Variants in BEND5 observed in about 807,000 individuals in gnomAD.
BEND5 encodes BEN domain-containing protein 5.
In BEND5, 22 loss-of-function variants were observed where a neutral mutation model predicts 43.9. That is an observed-to-expected ratio of 0.50 (90% CI 0.36 to 0.72). BEND5 has a LOEUF of 0.72. Ranked by LOEUF, BEND5 falls within the 30% of genes least tolerant of loss-of-function variation. The pLI, the probability that BEND5 is intolerant of heterozygous loss-of-function variation, is 0.00. For missense variants in BEND5, 428 were observed against 550.6 expected (o/e 0.78, Z 2.23); for synonymous variants, 228 against 225.9 (o/e 1.01, Z -0.08).
Position 48,759,091 on chromosome 1 carries a change from T to C in BEND5, c.554A>G (p.Glu185Gly). 6.2e-7 allele frequency: 1 copy of C among 1,612,406 alleles called. No individual in the cohort carries two copies. Among genetic ancestry groups the C allele is most frequent in the Non-Finnish European group, 8.5e-7 (1 of 1,179,150 alleles). The change falls in exon 3 of 6, where the codon GAG becomes GGG. Residue 185 changes from glutamate to glycine, a missense_variant. Physicochemically the swap from Glu to Gly is moderately conservative, Grantham distance 98 (BLOSUM62 -2). Around this residue, in one of 4 missense-constraint regions of BEND5, gnomAD observed 243 missense variants for 286.4 expected, o/e 0.85. Coordinates refer to ENST00000371833, the MANE Select transcript of BEND5 (RefSeq NM_024603.4). Reference protein sequence around the residue: ...DAVVPRALYEELLRNYQQQQE... With the variant: ...DAVVPRALYEGLLRNYQQQQE... ...TTGCTGCTGGTAGTTGCGCAGCAGC[T>C]CCTCATACAGAGCCCGGGGCACCAC...
At chr1:48,738,469 C>T (rs776390287) in intron 4 of BEND5, among the ~76,000 whole-genome samples, 33 of 152,182 alleles carry the variant, frequency 2.2e-4, no homozygotes, top group Non-Finnish European at 2.8e-4. Flanking sequence ...CTCCGCAGTT[C>T]GAACTGCAGG....
In BEND5 at chr1:48,736,450, G is replaced by C; in HGVS notation, c.897C>G (p.Val299=). The C allele has an allele frequency of 6.2e-7, 1 of 1,613,916 alleles. No individual in the cohort carries two copies. Among genetic ancestry groups the C allele is most frequent in the Non-Finnish European group, 8.5e-7 (1 of 1,179,914 alleles). ...MDKYILDNGK[V]HLGSGIWVDE... ...CAACCCAAATCCCGCTTCCCAGATG[G>C]ACCTGAGAGGAATAAGAACACCAGC... Residue 299 remains valine, a splice_region_variant and synonymous_variant, in exon 5 of 6, where the codon GTC becomes GTG. Coordinates refer to ENST00000371833, the MANE Select transcript of BEND5 (RefSeq NM_024603.4). This position sits in a 1 kb window ranked among gnomAD's most constrained non-coding sequence, Gnocchi z 4.0.
chr1:48,732,945 A>G (rs575462449), intron 5 of BEND5, among the ~76,000 whole-genome samples: 5 of 152,272 alleles, frequency 3.3e-5, no homozygotes, highest in African/African-American at 9.6e-5. Flanking sequence ...GTGAAGGAGG[A>G]ATGATCGTGT....
At position 48,742,681 on chromosome 1, in the gene BEND5, G is replaced by A. The variant is rs1244423678; in HGVS notation, c.836C>T (p.Ser279Leu). The A allele has an allele frequency of 1.9e-6, 3 of 1,611,194 alleles. No individual in the cohort carries two copies. The highest frequency in any genetic ancestry group is 1.1e-5 in the South Asian group (1 of 90,428). The change falls in exon 4 of 6, where the codon TCG becomes TTG. Residue 279 changes from serine to leucine, a missense_variant. Ser to Leu is a moderately radical substitution (Grantham distance 145, BLOSUM62 -2). Around this residue, in one of 4 missense-constraint regions of BEND5, gnomAD observed 243 missense variants for 286.4 expected, o/e 0.85. Coordinates refer to ENST00000371833, the MANE Select transcript of BEND5 (RefSeq NM_024603.4). ...AGGCGCAGGAGCGGGGTAATAGGAC[G>A]ACGTATTTGCTTCCTCACTGAAAGT... is the stretch of plus-strand genomic sequence containing the variant. ...RSTFSEEANT[S>L]SYYPAPAPVM...
At chr1:48,750,413 G>A (rs1472049199) in intron 3 of BEND5, among the ~76,000 whole-genome samples, 1 of 152,106 alleles carries the variant, frequency 6.6e-6, no homozygotes, top group African/African-American at 2.4e-5. Context: ...CTTTGTTTAG[G>A]CTCTCCTGTT....
chr1:48,771,675 C>T (rs1160548166), intron 1 of BEND5, among the ~76,000 whole-genome samples: 1 of 152,138 alleles, frequency 6.6e-6, no homozygotes. Context: ...TGGCAGTTTC[C>T]CACTGATGAC....
chr1:48,758,799 C>T (rs1644091268), intron 3 of BEND5, 101 bp downstream of exon 3: 1 of 1,093,168 alleles, frequency 9.1e-7, no homozygotes, highest in South Asian at 1.8e-5. Context: ...TCCCTAGCCT[C>T]AGGGCACTTG....
In BEND5 at chr1:48,761,322, G is replaced by A; in HGVS notation, c.360+15C>T. 1.9e-6 allele frequency: 3 copies of A among 1,540,316 alleles called. No homozygotes were observed. Among genetic ancestry groups the A allele is most frequent in the Non-Finnish European group, 2.6e-6 (3 of 1,142,136 alleles). ...TGCTCCAGCATACCTCCAAAGAAAG[G>A]AAAGATTTTGTTACCTTGATGTGTC... On this transcript the variant is annotated intron_variant, in intron 2 of 5. Coordinates refer to ENST00000371833, the MANE Select transcript of BEND5 (RefSeq NM_024603.4).
chr1:48,759,014 G>C lies in BEND5; in HGVS notation c.631C>G (p.Leu211Val). 1.2e-5 allele frequency: 20 copies of C among 1,614,004 alleles called. No homozygotes were observed. The highest frequency in any genetic ancestry group is 1.7e-5 in the Non-Finnish European group (20 of 1,179,992). Residue 211 changes from leucine to valine, a missense_variant, in exon 3 of 6, where the codon CTG (leucine) becomes GTG (valine). This residue lies in a region of BEND5 where 243 missense variants were observed against 286.4 expected (regional missense o/e 0.85). Coordinates refer to ENST00000371833, the MANE Select transcript of BEND5 (RefSeq NM_024603.4). ...QQELERTRRQ[L>V]VQQAKKLKEY... ...TTGAGCTTCTTGGCCTGTTGTACCAGCTGCCTCCGAGTCCGCTCCAGCTCC... is the reference window on the plus strand; with the variant it reads ...TTGAGCTTCTTGGCCTGTTGTACCACCTGCCTCCGAGTCCGCTCCAGCTCC...
intron 1 of BEND5, among the ~76,000 whole-genome samples, chr1:48,770,016 C>T (rs1644732965): frequency 6.6e-6 from 1 of 152,162 alleles, no homozygotes; most frequent in Non-Finnish European, 1.5e-5. Flanking sequence ...TAAAATACCC[C>T]TGACCTGCTT....
rs1647774315 is a variant in BEND5, at chr1:48,729,626, A to C, written c.1109-1583T>G. ...AAGCCCAGGCCTGGAGAAAGGGAGT[A>C]GGTATGGGGCAGAATCCACTGCTAC... is the stretch of plus-strand genomic sequence containing the variant. On this transcript the variant is annotated intron_variant, in intron 5 of 5. Coordinates refer to ENST00000371833, the MANE Select transcript of BEND5 (RefSeq NM_024603.4). Among the ~76,000 whole-genome samples the C allele has an allele frequency of 2.6e-5, 4 of 152,250 alleles. No individual in the cohort carries two copies. The South Asian group carries it at 8.3e-4, about 32-fold the overall frequency.
chr1:48,771,591 T>C (rs1211858633), intron 1 of BEND5, among the ~76,000 whole-genome samples: 1 of 152,232 alleles, frequency 6.6e-6, no homozygotes, highest in South Asian at 2.1e-4. Flanking sequence ...TGCTCCAATG[T>C]ATATCAGCAA....
chr1:48,746,655 A>C (rs1288602799), intron 3 of BEND5, among the ~76,000 whole-genome samples: 1 of 152,256 alleles, frequency 6.6e-6, no homozygotes, highest in Non-Finnish European at 1.5e-5. Context: ...CCAAAGGTAC[A>C]TCTTAAAAGG....
At chr1:48,769,296 C>T (rs1347644862) in intron 1 of BEND5, among the ~76,000 whole-genome samples, 1 of 152,066 alleles carries the variant, frequency 6.6e-6, no homozygotes, top group Admixed American at 6.5e-5. Context: ...TTCAGTAGGT[C>T]TCCTTGTTCT....
chr1:48,735,841 C>T lies in BEND5; in HGVS notation c.1108+398G>A, dbSNP rs537714535. Among the ~76,000 whole-genome samples the T allele has an allele frequency of 2.8e-3, 432 of 152,194 alleles. 3 individuals are homozygous for T. Among genetic ancestry groups the T allele is most frequent in the African/African-American group, 9.9e-3 (409 of 41,506 alleles). ...CATGCCTTTGTTCAAGATGCTTCTG[C>T]CTCCAGAAGAGCAATACCTCACCAT... On this transcript the variant is annotated intron_variant, in intron 5 of 5. Coordinates refer to ENST00000371833, the MANE Select transcript of BEND5 (RefSeq NM_024603.4).
intron 3 of BEND5, among the ~76,000 whole-genome samples, chr1:48,748,063 C>T (rs929235724): frequency 2.0e-5 from 3 of 152,106 alleles, no homozygotes; most frequent in African/African-American, 7.2e-5. Flanking sequence ...GCGTACAGAA[C>T]ATCTGCTGTG....
At chr1:48,751,076 A>T (rs1386295418) in intron 3 of BEND5, among the ~76,000 whole-genome samples, 1 of 152,192 alleles carries the variant, frequency 6.6e-6, no homozygotes, top group African/African-American at 2.4e-5. Context: ...TGGCATAGAT[A>T]TGTCTTTTCC....
intron 3 of BEND5, among the ~76,000 whole-genome samples, chr1:48,756,513 C>T (rs1643935136): frequency 6.6e-6 from 1 of 151,878 alleles, no homozygotes; most frequent in Admixed American, 6.6e-5. Flanking sequence ...AGGAGACCAG[C>T]AAGTATTCAT....
chr1:48,760,623 T>C (rs944223205), intron 2 of BEND5, among the ~76,000 whole-genome samples: 2 of 152,140 alleles, frequency 1.3e-5, no homozygotes, highest in African/African-American at 2.4e-5. Context: ...GCCAGGCGCA[T>C]AGCAGGAGTA....
Sources: gnomAD v4.1 joint callset for allele counts (sites outside exome capture counted in the v4.1 genomes callset) on GRCh38, gnomAD v4.1.1 for gene constraint, gnomAD v4.1.1 regional missense constraint, Gnocchi (gnomAD v3.1) non-coding constraint, MANE v1.5 for transcripts, NCBI Gene and HGNC (gene_info 2026-07-23, HGNC 2026-07-21) for gene names.